CSMD3: variants seen among roughly 807,000 people sequenced by gnomAD.
The protein encoded by CSMD3 is CUB and Sushi multiple domains 3, also known as CUB and sushi domain-containing protein 3.
In CSMD3, 177 loss-of-function variants were observed where a neutral mutation model predicts 435.2. The observed-to-expected ratio is 0.41, with a 90% CI of 0.36 to 0.46. The LOEUF is 0.46. Ranked by LOEUF, CSMD3 falls within the 20% of genes least tolerant of loss-of-function variation. The probability of loss-of-function intolerance (pLI) is 0.34; values close to 1 mark genes in which losing one functional copy is unlikely to be tolerated. For synonymous variants in CSMD3, 1,656 were observed against 1,520.5 expected, an observed-to-expected ratio of 1.09 and a Z score of -2.07; for missense variants, 4,265 against 4,504.6, an observed-to-expected ratio of 0.95 and a Z score of 1.52.
At chr8:112,598,410 G>A (rs933035434) in intron 22 of CSMD3, among the ~76,000 whole-genome samples, 28 of 150,274 alleles carry the variant, frequency 1.9e-4, no homozygotes, top group African/African-American at 6.6e-4. Context: ...TCATGGATAG[G>A]AAGAATCAAT....
intron 1 of CSMD3, among the ~76,000 whole-genome samples, chr8:113,420,564 G>GA (rs2094604508): frequency 6.6e-6 from 1 of 151,850 alleles, no homozygotes; most frequent in African/African-American, 2.4e-5. Flanking sequence ...TTTATTCCTA[G>GA]AAAAAACATT....
chr8:113,352,857 T>C (rs1446420938), intron 1 of CSMD3, among the ~76,000 whole-genome samples: 1 of 152,206 alleles, frequency 6.6e-6, no homozygotes, highest in African/African-American at 2.4e-5. Context: ...GGTGTTTGAA[T>C]TGCACTTTTC....
At chr8:112,523,200 T>C (rs1297859009) in intron 27 of CSMD3, among the ~76,000 whole-genome samples, 1 of 151,922 alleles carries the variant, frequency 6.6e-6, no homozygotes, top group Non-Finnish European at 1.5e-5. Flanking sequence ...GCAGGAGACT[T>C]AGACTTAGTG....
intron 5 of CSMD3, among the ~76,000 whole-genome samples, chr8:113,056,071 G>T (rs1335622861): frequency 6.6e-6 from 1 of 152,104 alleles, no homozygotes; most frequent in African/African-American, 2.4e-5. Context: ...ATGATTAAGA[G>T]GAAAAATATC....
chr8:112,690,129 T>C (rs2076098703), intron 13 of CSMD3, 79 bp from the exon 14 acceptor site: 1 of 1,013,778 alleles, frequency 9.9e-7, no homozygotes, highest in Admixed American at 1.8e-5. Flanking sequence ...GGTAGATATA[T>C]GCTCTTTGTT....
chr8:112,298,813 A>G lies in CSMD3; in HGVS notation c.8441-2807T>C, dbSNP rs575470964. On this transcript the variant is annotated intron_variant, in intron 53 of 70. Transcript: ENST00000297405. ...AGAAAAAGAAAGTTGGCTATACCACATGCTGGAGAGAATGGGAGACAACTA... is the reference window on the plus strand; with the variant it reads ...AGAAAAAGAAAGTTGGCTATACCACGTGCTGGAGAGAATGGGAGACAACTA... Among the ~76,000 whole-genome samples, 164 of 152,256 alleles carry G rather than the reference A, an allele frequency of 1.1e-3. 1 individual carries two copies. The highest frequency in any genetic ancestry group is 6.8e-3 in the Middle Eastern group (2 of 294).
At chr8:113,290,274 C>G (rs568875716) in intron 2 of CSMD3, among the ~76,000 whole-genome samples, 1 of 151,538 alleles carries the variant, frequency 6.6e-6, no homozygotes, top group East Asian at 1.9e-4. Flanking sequence ...TTGAATAAAG[C>G]CTTATGATAG....
chr8:112,936,066 A>T (rs1380487347), intron 9 of CSMD3, among the ~76,000 whole-genome samples: 2 of 152,080 alleles, frequency 1.3e-5, no homozygotes, highest in African/African-American at 2.4e-5. Context: ...CTAGTTTTAC[A>T]AAGACTTTTA....
At chr8:113,081,086 T>C (rs184743340) in intron 5 of CSMD3, among the ~76,000 whole-genome samples, 28 of 152,328 alleles carry the variant, frequency 1.8e-4, no homozygotes, top group Admixed American at 1.7e-3. Context: ...TATTAAAAAG[T>C]TTAGCTATTA....
chr8:112,621,223 G>A (rs548634687), intron 22 of CSMD3, among the ~76,000 whole-genome samples: 49 of 151,904 alleles, frequency 3.2e-4, no homozygotes, highest in African/African-American at 1.0e-3. Flanking sequence ...CAATAAGAGC[G>A]AAACTCTGTC....
At chr8:113,235,490 C>T (rs1161885282) in intron 3 of CSMD3, among the ~76,000 whole-genome samples, 7 of 151,836 alleles carry the variant, frequency 4.6e-5, no homozygotes. Flanking sequence ...CCCACTTTGA[C>T]CTGTATGGGC....
chr8:113,022,907 G>T (rs1478572280), intron 5 of CSMD3, among the ~76,000 whole-genome samples: 3 of 90,862 alleles, frequency 3.3e-5, no homozygotes, highest in Non-Finnish European at 5.7e-5. Context: ...CCAATTTACT[G>T]CAGAAATAAT....
chr8:112,515,815 A>T (rs1823614258), intron 28 of CSMD3, among the ~76,000 whole-genome samples: 2 of 151,978 alleles, frequency 1.3e-5, no homozygotes, highest in South Asian at 4.1e-4. Context: ...GTTTTCTTAA[A>T]TCCAACTTTA....
At chr8:112,836,253 C>A (rs922909597) in intron 11 of CSMD3, among the ~76,000 whole-genome samples, 2 of 151,750 alleles carry the variant, frequency 1.3e-5, no homozygotes, top group African/African-American at 4.8e-5. Flanking sequence ...AAAAATGGGT[C>A]TGGAGAGGTA....
chr8:112,554,820 A>G (rs1165970586), intron 25 of CSMD3, among the ~76,000 whole-genome samples: 2 of 151,986 alleles, frequency 1.3e-5, no homozygotes, highest in East Asian at 3.9e-4. Flanking sequence ...ATCAATGAAT[A>G]AGATTCAGAA....
chr8:112,480,923 A>G (rs577146617), intron 31 of CSMD3, among the ~76,000 whole-genome samples: 2 of 152,204 alleles, frequency 1.3e-5, no homozygotes, highest in South Asian at 4.1e-4. Flanking sequence ...CTTGTTCTTT[A>G]TTCTTCTATT....
chr8:112,331,342 C>G (rs1466543484), intron 45 of CSMD3, among the ~76,000 whole-genome samples: 1 of 151,954 alleles, frequency 6.6e-6, no homozygotes, highest in African/African-American at 2.4e-5. Flanking sequence ...CAAAGAGATA[C>G]AAAAACATTT....
intron 1 of CSMD3, among the ~76,000 whole-genome samples, chr8:113,422,442 T>G (rs1174356356): frequency 6.6e-6 from 1 of 152,150 alleles, no homozygotes; most frequent in Non-Finnish European, 1.5e-5. Flanking sequence ...CTCATTTGTT[T>G]GTATCTTACA....
chr8:113,279,526 T>C (rs1349353424), intron 2 of CSMD3, among the ~76,000 whole-genome samples: 1 of 151,760 alleles, frequency 6.6e-6, no homozygotes, highest in Non-Finnish European at 1.5e-5. Context: ...CTCAAAGTAA[T>C]AGAGAAGAAC....
Sources: allele counts gnomAD v4.1 joint callset (sites outside exome capture counted in the v4.1 genomes callset), GRCh38; gene constraint gnomAD v4.1.1; transcripts MANE v1.5; gene names NCBI Gene and HGNC (gene_info 2026-07-23, HGNC 2026-07-21).